The following EDARADD variants were observed in gnomAD, a reference collection of about 807,000 sequenced individuals.
EDARADD encodes ectodysplasin-A receptor-associated adapter protein.
EDARADD carries 20 observed loss-of-function variants against 25.6 expected under a neutral mutation model. That is an observed-to-expected ratio of 0.78 (90% CI 0.55 to 1.14). EDARADD has a LOEUF of 1.14. Ranked by LOEUF, EDARADD falls within the 50% of genes most tolerant of loss-of-function variation. EDARADD has a pLI of 0.00. For synonymous variants in EDARADD, 86 were observed against 94.4 expected (o/e 0.91, Z 0.52); for missense variants, 225 against 270.1 (o/e 0.83, Z 1.17).
chr1:236,395,104 T>C lies in EDARADD; in HGVS notation c.61+599T>C, dbSNP rs1023571171. On this transcript the variant is annotated intron_variant, in intron 1 of 5. Coordinates refer to ENST00000334232, the MANE Select transcript of EDARADD (RefSeq NM_145861.4). This position sits in a 1 kb window ranked among gnomAD's most constrained non-coding sequence, Gnocchi z 6.9. ...GCCGGCGGGCATCTCAGCCCAGGCC[T>C]GTGTAAGGGGAGTTCTGGTGTCTCA... 6.6e-6 allele frequency among the ~76,000 whole-genome samples: 1 copy of C among 152,218 alleles called. No individual in the cohort carries two copies. Among genetic ancestry groups the C allele is most frequent in the Non-Finnish European group, 1.5e-5 (1 of 68,032 alleles).
intron 4 of EDARADD, among the ~76,000 whole-genome samples, chr1:236,451,101 G>A (rs1331121820): frequency 2.0e-5 from 3 of 152,024 alleles, no homozygotes; most frequent in Non-Finnish European, 2.9e-5. Context: ...CCTCTCCCAG[G>A]GGTACACAAT....
chr1:236,478,411 G>T (rs1213405690), intron 5 of EDARADD, among the ~76,000 whole-genome samples: 1 of 143,200 alleles, frequency 7.0e-6, no homozygotes, highest in Non-Finnish European at 1.5e-5. Context: ...ATATATAAAT[G>T]GATATATATA....
In EDARADD at chr1:236,405,870, CT is replaced by C. The variant is rs1558112769; in HGVS notation, c.62-3344del. Among the ~76,000 whole-genome samples, 10 of 37,540 alleles carry C rather than the reference CT, an allele frequency of 2.7e-4. 1 individual carries two copies. The highest frequency in any genetic ancestry group is 9.5e-4 in the African/African-American group (8 of 8,406). The allele number at this position is 37,540 out of a possible 152,430, so 24.6% of individuals were successfully genotyped here. A position where few individuals can be genotyped will look rare whatever the true frequency, so the allele number is the denominator to read the frequency against. On this transcript the variant is annotated intron_variant, in intron 1 of 5. Transcript: ENST00000334232. Reference sequence around the variant, plus strand: ...CCTTCCTTCCTTCCTTCCTTCCTTCCTTCCTTCTTTCTTTCTTTCTTTCTTT... The same window carrying C: ...CCTTCCTTCCTTCCTTCCTTCCTTCCTCCTTCTTTCTTTCTTTCTTTCTTT...
intron 3 of EDARADD, among the ~76,000 whole-genome samples, chr1:236,359,713 CT>C (rs995088819): frequency 2.0e-5 from 3 of 152,162 alleles, no homozygotes; most frequent in Non-Finnish European, 2.9e-5. Flanking sequence ...GGGAACTCCT[CT>C]TTTTAAAACC....
At chr1:236,357,491 A>G (rs1411867552) in intron 3 of EDARADD, among the ~76,000 whole-genome samples, 1 of 152,188 alleles carries the variant, frequency 6.6e-6, no homozygotes, top group Non-Finnish European at 1.5e-5. Flanking sequence ...CTATAAAGAA[A>G]TACCTGAGAC....
chr1:236,437,835 G>C (rs1658300943), intron 4 of EDARADD, among the ~76,000 whole-genome samples: 1 of 143,890 alleles, frequency 6.9e-6, no homozygotes, highest in Admixed American at 7.5e-5. Flanking sequence ...TGCGACCTTT[G>C]CCTCCTGGGT....
rs956315741 is a variant in EDARADD, at chr1:236,395,927, C to T, written c.61+1422C>T. Among the ~76,000 whole-genome samples, 13 of 152,206 alleles carry T rather than the reference C, an allele frequency of 8.5e-5. No homozygotes were observed. The highest frequency in any genetic ancestry group is 1.6e-4 in the Non-Finnish European group (11 of 68,034). On this transcript the variant is annotated intron_variant, in intron 1 of 5. Transcript: ENST00000334232. This position sits in a 1 kb window ranked among gnomAD's most constrained non-coding sequence, Gnocchi z 6.9. Reference sequence around the variant, plus strand: ...ACCGCGCGCCTTCCCCCTGCCCATGCCGCAGCCCCCGTGGCTTTTGTTCTG... The same window carrying T: ...ACCGCGCGCCTTCCCCCTGCCCATGTCGCAGCCCCCGTGGCTTTTGTTCTG...
At chr1:236,389,458 CAA>C (rs1000832491), upstream of EDARADD, among the ~76,000 whole-genome samples, 4 of 152,120 alleles carry the variant, frequency 2.6e-5, no homozygotes, top group Admixed American at 6.6e-5. Context: ...TGCAAGTAGA[CAA>C]GAGAGATTTA....
chr1:236,396,867 C>G (rs1292107637), intron 1 of EDARADD, among the ~76,000 whole-genome samples: 1 of 151,294 alleles, frequency 6.6e-6, no homozygotes, highest in Non-Finnish European at 1.5e-5. Flanking sequence ...CCTACCCTAG[C>G]ATCCACCTCC....
At chr1:236,463,455 G>A (rs925242275) in intron 4 of EDARADD, among the ~76,000 whole-genome samples, 3 of 152,020 alleles carry the variant, frequency 2.0e-5, no homozygotes, top group African/African-American at 7.2e-5. Context: ...CACCACGCCC[G>A]GCTAATTTTG....
At chr1:236,436,834 T>C (rs184480004) in intron 4 of EDARADD, among the ~76,000 whole-genome samples, 2 of 152,124 alleles carry the variant, frequency 1.3e-5, no homozygotes, top group Non-Finnish European at 2.9e-5. Context: ...AGCAGAGTTA[T>C]TAGGGGGCTA....
rs779610118 is a variant in EDARADD, at chr1:236,394,385, A to C, written c.-60A>C. 8.0e-5 allele frequency: 126 copies of C among 1,579,294 alleles called. 1 individual carries two copies. The highest frequency in any genetic ancestry group is 3.3e-4 in the Middle Eastern group (2 of 6,012). ...AGACAACCAGCGAGCATCTTCTCGC[A>C]ATCTGTTGCTTCTTCCATGGCAAAC... On this transcript the variant is annotated 5_prime_UTR_variant, in exon 1 of 6. Transcript: ENST00000334232.
chr1:236,483,110 G>A lies in EDARADD; in HGVS notation c.*461G>A. The A allele has an allele frequency of 8.4e-7, 1 of 1,195,580 alleles. No individual in the cohort carries two copies. The highest frequency in any genetic ancestry group is 1.8e-5 in the Admixed American group (1 of 56,726). The allele number at this position is 1,195,580 out of a possible 1,614,324, so 74.1% of individuals were successfully genotyped here. On this transcript the variant is annotated 3_prime_UTR_variant, in exon 6 of 6. Coordinates refer to ENST00000334232, the MANE Select transcript of EDARADD (RefSeq NM_145861.4). Reference sequence around the variant, plus strand: ...ACAAGGAATGCTTACCTGAGTGTCTGCAGCACCCTCCACTTCTCTCCTAGG... The same window carrying A: ...ACAAGGAATGCTTACCTGAGTGTCTACAGCACCCTCCACTTCTCTCCTAGG...
chr1:236,482,522 G>A lies in EDARADD; in HGVS notation c.521G>A (p.Arg174Lys). 1.2e-6 allele frequency: 2 copies of A among 1,613,226 alleles called. No homozygotes were observed. Among genetic ancestry groups the A allele is most frequent in the Non-Finnish European group, 1.7e-6 (2 of 1,179,316 alleles). The change falls in exon 6 of 6, where the codon AGG becomes AAG. Residue 174 changes from arginine to lysine, a missense_variant. Coordinates refer to ENST00000334232, the MANE Select transcript of EDARADD (RefSeq NM_145861.4). ...GAGTTCTTGCTCCGGAACAGTCAGA[G>A]GACGGTGGGCCAGCTGATGGAGCTC... ...TLEFLLRNSQRTVGQLMELCR... is the reference protein window; with the variant it reads ...TLEFLLRNSQKTVGQLMELCR...
chr1:236,447,300 C>T (rs1364051179), intron 4 of EDARADD, among the ~76,000 whole-genome samples: 2 of 150,756 alleles, frequency 1.3e-5, no homozygotes, highest in African/African-American at 4.9e-5. Flanking sequence ...CTCTGTCACC[C>T]AGGCTTCAGT....
intron 2 of EDARADD, among the ~76,000 whole-genome samples, chr1:236,409,880 A>C (rs1657405168): frequency 6.6e-6 from 1 of 151,868 alleles, no homozygotes; most frequent in South Asian, 2.1e-4. Context: ...CCTGTTTTTA[A>C]TACTACTGGT....
chr1:236,353,329 A>G (rs1250897228), intron 3 of EDARADD, among the ~76,000 whole-genome samples: 1 of 152,178 alleles, frequency 6.6e-6, no homozygotes, highest in African/African-American at 2.4e-5. Flanking sequence ...CTGAGTTTGT[A>G]GGATTATTGG....
intron 3 of EDARADD, among the ~76,000 whole-genome samples, chr1:236,361,061 T>G (rs902862499): frequency 1.3e-5 from 2 of 152,180 alleles, no homozygotes; most frequent in Non-Finnish European, 2.9e-5. Context: ...CAAACGAACC[T>G]GCTGTATTGA....
At chr1:236,417,465 T>C (rs1657669009) in intron 3 of EDARADD, among the ~76,000 whole-genome samples, 1 of 152,244 alleles carries the variant, frequency 6.6e-6, no homozygotes, top group Non-Finnish European at 1.5e-5. Flanking sequence ...ATTTCATTTG[T>C]CAGCATCTGT....
Sources: gnomAD v4.1 joint callset for allele counts (sites outside exome capture counted in the v4.1 genomes callset) on GRCh38, gnomAD v4.1.1 for gene constraint, Gnocchi (gnomAD v3.1) non-coding constraint, MANE v1.5 for transcripts, NCBI Gene and HGNC (gene_info 2026-07-23, HGNC 2026-07-21) for gene names.